The following CDON variants were observed in gnomAD, a reference collection of about 807,000 sequenced individuals.
CDON encodes cell adhesion molecule-related/down-regulated by oncogenes.
CDON carries 73 observed loss-of-function variants against 120.9 expected under a neutral mutation model. The observed-to-expected ratio is 0.60, with a 90% CI of 0.50 to 0.73. The LOEUF is 0.73. CDON is among the 30% of genes least tolerant of loss of function. CDON has a pLI of 0.00. For missense variants in CDON, 1,470 were observed against 1,587.3 expected, an observed-to-expected ratio of 0.93 and a Z score of 1.26; for synonymous variants, 566 against 573.5, an observed-to-expected ratio of 0.99 and a Z score of 0.19.
chr11:126,048,920 C>T (rs567562186), intron 1 of CDON, among the ~76,000 whole-genome samples: 9 of 152,290 alleles, frequency 5.9e-5, no homozygotes, highest in African/African-American at 2.2e-4. Context: ...TCAGGCTGGT[C>T]TCAAACTCCC....
intron 1 of CDON, among the ~76,000 whole-genome samples, chr11:126,050,495 A>AACACACAC (rs10643446): frequency 0.014 from 2,011 of 143,076 alleles, 48 homozygotes; most frequent in African/African-American, 0.047. Flanking sequence ...GTAAGTAGCA[A>AACACACAC]ACACACACAC....
intron 1 of CDON, among the ~76,000 whole-genome samples, chr11:126,060,548 C>G (rs1203927422): frequency 7.2e-6 from 1 of 139,524 alleles, no homozygotes; most frequent in African/African-American, 2.6e-5. Flanking sequence ...TTAGTCTAAA[C>G]GTTCGTGGAA....
chr11:126,047,287 G>A (rs1022818355), intron 1 of CDON, among the ~76,000 whole-genome samples: 1 of 152,144 alleles, frequency 6.6e-6, no homozygotes, highest in Non-Finnish European at 1.5e-5. Flanking sequence ...AGAAAATCAA[G>A]ATGGTGTTCA....
intron 18 of CDON, among the ~76,000 whole-genome samples, chr11:125,972,816 C>G (rs1946040056): frequency 6.6e-6 from 1 of 152,102 alleles, no homozygotes; most frequent in Non-Finnish European, 1.5e-5. Context: ...TGCAAGACTT[C>G]TCCAGTTCTC....
chr11:126,021,340 G>GA lies in CDON; in HGVS notation c.256dup (p.Ser86PhefsTer17). 1.9e-6 allele frequency: 3 copies of GA among 1,614,168 alleles called. No homozygotes were observed. The South Asian group carries it at 3.3e-5, about 18-fold the overall frequency. The stretch of plus-strand genomic sequence containing the variant: ...GTAACCCAAAAGAGAGGAGTTGAGA[G>GA]AAAGAATTGTCAGAGTCCCCTGATG... On this transcript the variant is annotated frameshift_variant, in exon 3 of 20. Coordinates refer to ENST00000531738, the MANE Select transcript of CDON (RefSeq NM_001378964.1). LOFTEE classifies it high-confidence loss of function.
At chr11:125,988,265 T>A (rs927207276) in intron 15 of CDON, among the ~76,000 whole-genome samples, 5 of 152,166 alleles carry the variant, frequency 3.3e-5, no homozygotes, top group Non-Finnish European at 7.3e-5. Context: ...CACGGTCAGA[T>A]ATGATAACAC....
At chr11:126,009,748 C>T (rs867493265) in intron 8 of CDON, among the ~76,000 whole-genome samples, 1 of 152,104 alleles carries the variant, frequency 6.6e-6, no homozygotes, top group Non-Finnish European at 1.5e-5. Flanking sequence ...GATGGAAGGT[C>T]TGAATTTGAA....
intron 1 of CDON, among the ~76,000 whole-genome samples, chr11:126,046,096 A>T (rs929674857): frequency 6.6e-6 from 1 of 152,258 alleles, no homozygotes; most frequent in African/African-American, 2.4e-5. Context: ...AACTAGCCAA[A>T]CACATAGCTG....
chr11:125,979,238 GAATACTTT>G (rs1410878820), intron 17 of CDON, among the ~76,000 whole-genome samples: 1 of 152,292 alleles, frequency 6.6e-6, no homozygotes, highest in Admixed American at 6.5e-5. Flanking sequence ...GTTTTTCCTA[GAATACTTT>G]CCATTTCCAT....
intron 8 of CDON, among the ~76,000 whole-genome samples, chr11:126,006,346 A>T (rs1330301632): frequency 2.0e-5 from 3 of 152,166 alleles, no homozygotes; most frequent in Non-Finnish European, 4.4e-5. Flanking sequence ...TCTTTTTAGT[A>T]ATAATCATTT....
At chr11:125,963,884 TGGTGCAG>T (rs1945718513) in intron 18 of CDON, among the ~76,000 whole-genome samples, 1 of 152,248 alleles carries the variant, frequency 6.6e-6, no homozygotes, top group African/African-American at 2.4e-5. Flanking sequence ...AAGAAAGCTC[TGGTGCAG>T]AAGGACGTTA....
At chr11:126,032,341 C>G (rs1947965947) in intron 1 of CDON, among the ~76,000 whole-genome samples, 1 of 151,816 alleles carries the variant, frequency 6.6e-6, no homozygotes. Flanking sequence ...GTATCTCAAG[C>G]AGAAGGAACA....
At chr11:126,051,383 C>T (rs1948554121) in intron 1 of CDON, among the ~76,000 whole-genome samples, 1 of 152,122 alleles carries the variant, frequency 6.6e-6, no homozygotes, top group Non-Finnish European at 1.5e-5. Flanking sequence ...ATATTACTTT[C>T]AAGGAGGGTG....
At chr11:126,050,495 A>AACACACACACACACACACAC (rs10643446) in intron 1 of CDON, among the ~76,000 whole-genome samples, 2 of 143,000 alleles carry the variant, frequency 1.4e-5, no homozygotes, top group African/African-American at 5.2e-5. Context: ...GTAAGTAGCA[A>AACACACACACACACACACAC]ACACACACAC....
chr11:125,965,204 T>C (rs1945760926), intron 18 of CDON, among the ~76,000 whole-genome samples: 1 of 152,240 alleles, frequency 6.6e-6, no homozygotes, highest in Non-Finnish European at 1.5e-5. Flanking sequence ...GTGCTAGGAT[T>C]ACGGGCGTAA....
intron 1 of CDON, among the ~76,000 whole-genome samples, chr11:126,025,509 A>C (rs1393810752): frequency 6.7e-6 from 1 of 148,420 alleles, no homozygotes; most frequent in Non-Finnish European, 1.5e-5. Flanking sequence ...AATGGTAGTC[A>C]AGAGATGGTT....
chr11:126,049,965 C>A (rs545472108), intron 1 of CDON, among the ~76,000 whole-genome samples: 1 of 152,092 alleles, frequency 6.6e-6, no homozygotes. Context: ...CCAGGATGTA[C>A]CGTTAAAGAA....
chr11:126,035,300 C>A (rs1425449759), intron 1 of CDON, among the ~76,000 whole-genome samples: 2 of 152,174 alleles, frequency 1.3e-5, no homozygotes, highest in Non-Finnish European at 2.9e-5. Flanking sequence ...AAACTTGAAT[C>A]AACGCTGGCT....
At chr11:125,991,549 T>C (rs116773347) in intron 14 of CDON, among the ~76,000 whole-genome samples, 1 of 152,224 alleles carries the variant, frequency 6.6e-6, no homozygotes, top group African/African-American at 2.4e-5. Flanking sequence ...ATTCAGAAAA[T>C]AGGATAGCTT....
Sources: allele counts gnomAD v4.1 joint callset (sites outside exome capture counted in the v4.1 genomes callset), GRCh38; gene constraint gnomAD v4.1.1; transcripts MANE v1.5; gene names NCBI Gene and HGNC (gene_info 2026-07-23, HGNC 2026-07-21).